CNN3: variants seen among roughly 807,000 people sequenced by gnomAD.
CNN3 encodes calponin-3.
A neutral mutation model predicts 39.0 loss-of-function variants in CNN3; 11 were observed. The ratio of observed to expected loss-of-function variants is 0.28; its 90% confidence interval spans 0.18 to 0.47. The LOEUF is 0.47. Ranked by LOEUF, CNN3 falls within the 20% of genes least tolerant of loss-of-function variation. CNN3 has a pLI of 0.99. For missense variants in CNN3, 266 were observed against 403.4 expected (o/e 0.66, Z 2.92); for synonymous variants, 101 against 138.3 (o/e 0.73, Z 1.89).
intron 5 of CNN3, among the ~76,000 whole-genome samples, chr1:94,900,180 CT>C (rs1338534890): frequency 1.2e-4 from 18 of 152,074 alleles, no homozygotes; most frequent in Admixed American, 6.6e-5. Flanking sequence ...GTTAGGCACA[CT>C]TTTCTGATGT....
intron 1 of CNN3, among the ~76,000 whole-genome samples, chr1:94,918,584 A>G (rs561082043): frequency 2.0e-5 from 3 of 151,358 alleles, no homozygotes; most frequent in Admixed American, 1.3e-4. Flanking sequence ...TCCAAAGCGC[A>G]TTGCCAGCAC....
At chr1:94,913,290 T>C (rs921488655) in intron 1 of CNN3, among the ~76,000 whole-genome samples, 9 of 152,200 alleles carry the variant, frequency 5.9e-5, no homozygotes, top group African/African-American at 1.9e-4. Flanking sequence ...GCATTATTTA[T>C]AAGAAACGGG....
intron 1 of CNN3, among the ~76,000 whole-genome samples, chr1:94,918,669 G>T (rs1571533875): frequency 6.6e-6 from 1 of 151,858 alleles, no homozygotes; most frequent in East Asian, 1.9e-4. Flanking sequence ...TGAGACGGGT[G>T]GATCACTTAA....
chr1:94,908,455 T>G (rs1671071123), intron 1 of CNN3, among the ~76,000 whole-genome samples: 1 of 152,248 alleles, frequency 6.6e-6, no homozygotes, highest in Admixed American at 6.5e-5. Flanking sequence ...TCAGTTCAAA[T>G]GCAGATCAGT....
chr1:94,902,317 A>G, intron 3 of CNN3, 59 bp from the exon 4 acceptor site: 1 of 1,477,936 alleles, frequency 6.8e-7, no homozygotes, highest in Non-Finnish European at 9.2e-7. Context: ...CATAATTTCT[A>G]AGAATTCCAA....
intron 1 of CNN3, among the ~76,000 whole-genome samples, chr1:94,923,189 C>A (rs1477615979): frequency 1.3e-5 from 2 of 152,236 alleles, no homozygotes; most frequent in Non-Finnish European, 2.9e-5. Flanking sequence ...CCAGGAAATA[C>A]TGTGCTTCCC....
At chr1:94,908,943 G>A (rs931105250) in intron 1 of CNN3, among the ~76,000 whole-genome samples, 6 of 149,330 alleles carry the variant, frequency 4.0e-5, no homozygotes, top group African/African-American at 7.4e-5. Context: ...CCAGGAGTTC[G>A]AGACCAGCCA....
At chr1:94,917,086 G>C (rs910998744) in intron 1 of CNN3, among the ~76,000 whole-genome samples, 5 of 152,180 alleles carry the variant, frequency 3.3e-5, no homozygotes, top group African/African-American at 1.2e-4. Flanking sequence ...GCACAGGCTG[G>C]ATTGCAATGG....
Position 94,897,862 on chromosome 1 carries a change from T to C in CNN3, c.870A>G (p.Thr290=). Residue 290 remains threonine, a synonymous_variant, in exon 7 of 7, where the codon ACA becomes ACG. Coordinates refer to ENST00000370206, the MANE Select transcript of CNN3 (RefSeq NM_001839.5). ...VIHNGSQGTG[T]NGSEISDSDY... ...CACTATCACTGATTTCCGAACCATT[T>C]GTTCCTGTTCCTTGGCTTCCGTTGT... 1.2e-6 allele frequency: 2 copies of C among 1,614,160 alleles called. No homozygotes were observed. Among genetic ancestry groups the C allele is most frequent in the Non-Finnish European group, 1.7e-6 (2 of 1,179,998 alleles).
At chr1:94,916,783 A>G (rs1410365875) in intron 1 of CNN3, among the ~76,000 whole-genome samples, 1 of 152,216 alleles carries the variant, frequency 6.6e-6, no homozygotes, top group African/African-American at 2.4e-5. Context: ...TGCCAACCAG[A>G]GATCATTAAC....
chr1:94,901,244 C>G (rs1670855220), intron 5 of CNN3, among the ~76,000 whole-genome samples: 2 of 151,778 alleles, frequency 1.3e-5, no homozygotes. Context: ...ATCCCAGCTA[C>G]TTGGCAGGCT....
intron 1 of CNN3, among the ~76,000 whole-genome samples, chr1:94,906,711 TA>T (rs1329899825): frequency 6.6e-6 from 1 of 152,176 alleles, no homozygotes; most frequent in Non-Finnish European, 1.5e-5. Context: ...GGTCAAATAA[TA>T]AAAAACTGAA....
intron 6 of CNN3, 52 bp downstream of exon 6, chr1:94,899,319 A>G: frequency 6.5e-7 from 1 of 1,530,162 alleles, no homozygotes; most frequent in Non-Finnish European, 8.8e-7. Flanking sequence ...CTTCTGGTTA[A>G]TAAAAATAAG....
At position 94,924,130 on chromosome 1, in the gene CNN3, C is replaced by T. The variant is rs964509736; in HGVS notation, c.57+2708G>A. The T allele has an allele frequency of 3.4e-4, 51 of 152,202 alleles. 1 individual carries two copies. The highest frequency in any genetic ancestry group is 1.2e-3 in the African/African-American group (51 of 41,444). The allele number at this position is 152,202 out of a possible 1,614,324, so 9.4% of individuals were successfully genotyped here. On this transcript the variant is annotated intron_variant, in intron 1 of 6. Transcript: ENST00000370206. Reference sequence around the variant, plus strand: ...CAATAAAGAAAAAGCAGGAAGGAATCAAAAGGTGTCAAACCACGCAATGTC... The same window carrying T: ...CAATAAAGAAAAAGCAGGAAGGAATTAAAAGGTGTCAAACCACGCAATGTC...
rs1448914620 is a variant in CNN3 at position 94,897,187 on chromosome 1, G to A, written c.*555C>T. 1 of 153,044 alleles carries A rather than the reference G, an allele frequency of 6.5e-6. No homozygotes were observed. The highest frequency in any genetic ancestry group is 1.5e-5 in the Non-Finnish European group (1 of 68,394). 9.5% of individuals were successfully genotyped at this position (153,044 alleles called of 1,614,324 possible). A position where few individuals can be genotyped will look rare whatever the true frequency, so the allele number is the denominator to read the frequency against. ...GATCTTGTTCGCTAGGTAAGAGAAT[G>A]AGTACACATATAATCACAAATGCAC... On this transcript the variant is annotated 3_prime_UTR_variant, in exon 7 of 7. Coordinates refer to ENST00000370206, the MANE Select transcript of CNN3 (RefSeq NM_001839.5).
chr1:94,899,788 G>A (rs942046770), intron 5 of CNN3, among the ~76,000 whole-genome samples: 1 of 152,162 alleles, frequency 6.6e-6, no homozygotes, highest in African/African-American at 2.4e-5. Flanking sequence ...AGTCATTACA[G>A]TGGCAGAATA....
At position 94,926,781 on chromosome 1, in the gene CNN3, G is replaced by T; in HGVS notation, c.57+57C>A. 1 of 1,556,746 alleles carries T rather than the reference G, an allele frequency of 6.4e-7. No individual in the cohort carries two copies. Among genetic ancestry groups the T allele is most frequent in the Non-Finnish European group, 8.8e-7 (1 of 1,139,272 alleles). On this transcript the variant is annotated intron_variant, in intron 1 of 6. Coordinates refer to ENST00000370206, the MANE Select transcript of CNN3 (RefSeq NM_001839.5). The surrounding 1 kb of genome is among the most constrained non-coding windows in gnomAD (Gnocchi z 4.2). ...AAGAGCAAACGAAGCACGGCCCAGCGCCAGGCCAGCCCAAGGGTGCCCCGG... is the reference window on the plus strand; with the variant it reads ...AAGAGCAAACGAAGCACGGCCCAGCTCCAGGCCAGCCCAAGGGTGCCCCGG...
At chr1:94,908,643 C>A (rs1671077973) in intron 1 of CNN3, among the ~76,000 whole-genome samples, 1 of 152,118 alleles carries the variant, frequency 6.6e-6, no homozygotes, top group Non-Finnish European at 1.5e-5. Flanking sequence ...CGGGTTCAAG[C>A]GATTCTCCTG....
At chr1:94,923,530 ATCT>A (rs919433386) in intron 1 of CNN3, among the ~76,000 whole-genome samples, 3 of 151,288 alleles carry the variant, frequency 2.0e-5, no homozygotes, top group Non-Finnish European at 4.4e-5. Context: ...GTTTTCACAC[ATCT>A]TCTTGCCTAT....
Sources: allele counts gnomAD v4.1 joint callset (sites outside exome capture counted in the v4.1 genomes callset), GRCh38; gene constraint gnomAD v4.1.1; non-coding constraint Gnocchi (gnomAD v3.1); transcripts MANE v1.5; gene names NCBI Gene and HGNC (gene_info 2026-07-23, HGNC 2026-07-21).